The following SPRED2 variants were observed in gnomAD, a reference collection of about 807,000 sequenced individuals.
SPRED2 encodes the protein sprouty-related, EVH1 domain-containing protein 2.
Under a neutral mutation model 43.0 loss-of-function variants are expected in SPRED2, and 47 were observed. The observed-to-expected ratio is 1.09, with a 90% CI of 0.87 to 1.40. The LOEUF (loss-of-function observed/expected upper bound fraction) is 1.40. Among genes scored for constraint, SPRED2 ranks in the 40% most tolerant of loss-of-function variants. The probability of loss-of-function intolerance (pLI) is 0.00; values close to 1 mark genes in which losing one functional copy is unlikely to be tolerated. For synonymous variants in SPRED2, 225 were observed against 225.7 expected (o/e 1.00, Z 0.03); for missense variants, 561 against 586.4 (o/e 0.96, Z 0.45).
chr2:65,324,725 A>C (rs368947122), intron 4 of SPRED2, among the ~76,000 whole-genome samples: 1 of 152,126 alleles, frequency 6.6e-6, no homozygotes, highest in Non-Finnish European at 1.5e-5. Context: ...GGAAGGAACC[A>C]CCAGGCCAGA....
intron 1 of SPRED2, among the ~76,000 whole-genome samples, chr2:65,411,230 C>T (rs1352891034): frequency 2.0e-5 from 3 of 152,184 alleles, no homozygotes; most frequent in African/African-American, 4.8e-5. Flanking sequence ...ACTTTGTGTA[C>T]TTTCTGGACC....
intron 1 of SPRED2, among the ~76,000 whole-genome samples, chr2:65,414,446 GC>G (rs1257515258): frequency 6.6e-6 from 1 of 152,194 alleles, no homozygotes; most frequent in Non-Finnish European, 1.5e-5. Context: ...TATTCCTGCT[GC>G]CTTTGAGAAC....
chr2:65,351,484 C>T (rs538427745), intron 1 of SPRED2, among the ~76,000 whole-genome samples: 1 of 152,264 alleles, frequency 6.6e-6, no homozygotes, highest in South Asian at 2.1e-4. Flanking sequence ...TCCACTTCAC[C>T]AGACCTTGAG....
intron 1 of SPRED2, among the ~76,000 whole-genome samples, chr2:65,411,344 G>T (rs1484403034): frequency 6.6e-6 from 1 of 152,144 alleles, no homozygotes; most frequent in Non-Finnish European, 1.5e-5. Flanking sequence ...CCTGCTGCTT[G>T]CGGTGGGAGG....
chr2:65,371,247 G>C (rs1675119177), intron 1 of SPRED2, among the ~76,000 whole-genome samples: 1 of 152,174 alleles, frequency 6.6e-6, no homozygotes. Flanking sequence ...AGCATTAATG[G>C]ATAATGCAGT....
intron 1 of SPRED2, among the ~76,000 whole-genome samples, chr2:65,367,410 G>T (rs1675006457): frequency 6.6e-6 from 1 of 152,132 alleles, no homozygotes; most frequent in Admixed American, 6.5e-5. Flanking sequence ...TATGCAGGCT[G>T]ACTGTATTTC....
intron 1 of SPRED2, among the ~76,000 whole-genome samples, chr2:65,388,458 T>G (rs981823207): frequency 6.6e-6 from 1 of 152,178 alleles, no homozygotes; most frequent in Non-Finnish European, 1.5e-5. Flanking sequence ...TCCTGGGCCT[T>G]GAAAAATTAG....
intron 1 of SPRED2, among the ~76,000 whole-genome samples, chr2:65,402,764 A>G (rs1675935897): frequency 6.6e-6 from 1 of 152,236 alleles, no homozygotes; most frequent in Admixed American, 6.5e-5. Context: ...ATAATTCCAT[A>G]AAGAGCTGTG....
intron 1 of SPRED2, among the ~76,000 whole-genome samples, chr2:65,394,159 T>C (rs913025465): frequency 6.6e-6 from 1 of 152,190 alleles, no homozygotes; most frequent in African/African-American, 2.4e-5. Context: ...TTTTTTAAAG[T>C]CCAGCAAACA....
intron 1 of SPRED2, among the ~76,000 whole-genome samples, chr2:65,349,546 T>G: frequency 6.6e-6 from 1 of 151,352 alleles, no homozygotes; most frequent in East Asian, 1.9e-4. Context: ...GGTGAAGAAT[T>G]GAAACTCTGT....
chr2:65,336,706 T>C (rs2104225992), intron 2 of SPRED2, among the ~76,000 whole-genome samples: 1 of 152,374 alleles, frequency 6.6e-6, no homozygotes, highest in South Asian at 2.1e-4. Context: ...TTTTGTATTC[T>C]AAAAACAAAG....
At chr2:65,356,538 T>G (rs1274083257) in intron 1 of SPRED2, among the ~76,000 whole-genome samples, 1,975 of 131,446 alleles carry the variant, frequency 0.015, 44 homozygotes, top group African/African-American at 0.055. Flanking sequence ...AGTTCCCTCT[T>G]TTTTTTTTTT....
chr2:65,409,784 C>T (rs1330177575), intron 1 of SPRED2, among the ~76,000 whole-genome samples: 1 of 151,380 alleles, frequency 6.6e-6, no homozygotes, highest in Non-Finnish European at 1.5e-5. Context: ...GCCTGTAATC[C>T]TAGCACTTTG....
chr2:65,431,724 G>T (rs1041834318), intron 1 of SPRED2, among the ~76,000 whole-genome samples: 19 of 151,984 alleles, frequency 1.3e-4, no homozygotes, highest in Non-Finnish European at 2.5e-4. Flanking sequence ...CACGCCCTTG[G>T]CCCCCGGAGC....
At chr2:65,355,300 T>C (rs1674616791) in intron 1 of SPRED2, among the ~76,000 whole-genome samples, 1 of 152,114 alleles carries the variant, frequency 6.6e-6, no homozygotes, top group Admixed American at 6.5e-5. Flanking sequence ...ATTTAGGAAA[T>C]TATGGGAAGA....
intron 1 of SPRED2, among the ~76,000 whole-genome samples, chr2:65,378,611 G>A (rs1277120058): frequency 2.0e-5 from 3 of 152,198 alleles, no homozygotes; most frequent in Admixed American, 6.5e-5. Flanking sequence ...GACCAGAACA[G>A]GCAGTGTGGC....
chr2:65,339,733 TAAAA>T (rs35323811), intron 2 of SPRED2, among the ~76,000 whole-genome samples: 2 of 130,392 alleles, frequency 1.5e-5, no homozygotes, highest in African/African-American at 2.7e-5. Flanking sequence ...AAAAAAATCC[TAAAA>T]AAAAAAAAAA....
chr2:65,409,706 A>G (rs1676107290), intron 1 of SPRED2, among the ~76,000 whole-genome samples: 2 of 151,616 alleles, frequency 1.3e-5, no homozygotes, highest in African/African-American at 4.8e-5. Context: ...AAAAAAAAAA[A>G]AAAAAAAGAA....
intron 1 of SPRED2, among the ~76,000 whole-genome samples, chr2:65,353,224 T>C (rs533125913): frequency 6.6e-6 from 1 of 152,332 alleles, no homozygotes; most frequent in Non-Finnish European, 1.5e-5. Context: ...AGTACTGCTG[T>C]CCTGCAAGGT....
Sources: gnomAD v4.1 joint callset for allele counts (sites outside exome capture counted in the v4.1 genomes callset) on GRCh38, gnomAD v4.1.1 for gene constraint, MANE v1.5 for transcripts, NCBI Gene and HGNC (gene_info 2026-07-23, HGNC 2026-07-21) for gene names.